Variants in DYM observed in about 807,000 individuals in gnomAD.
The protein encoded by DYM is dyggve-Melchior-Clausen syndrome protein.
DYM carries 78 observed loss-of-function variants against 93.1 expected under a neutral mutation model. That is an observed-to-expected ratio of 0.84 (90% CI 0.70 to 1.01). The LOEUF is 1.01. DYM is among the 50% of genes least tolerant of loss of function. The pLI is 0.00. For missense variants in DYM, 789 were observed against 845.0 expected (o/e 0.93, Z 0.82); for synonymous variants, 321 against 319.7 (o/e 1.00, Z -0.04).
intron 16 of DYM, among the ~76,000 whole-genome samples, chr18:49,106,122 T>G (rs373333548): frequency 6.6e-6 from 1 of 152,248 alleles, no homozygotes; most frequent in African/African-American, 2.4e-5. Flanking sequence ...TTTAGGATAG[T>G]TAGCTCTTCT....
intron 8 of DYM, among the ~76,000 whole-genome samples, chr18:49,328,008 TA>T (rs1348578576): frequency 6.6e-6 from 1 of 152,168 alleles, no homozygotes; most frequent in Non-Finnish European, 1.5e-5. Context: ...GAACTGAGCT[TA>T]AATTAACGAG....
intron 15 of DYM, among the ~76,000 whole-genome samples, chr18:49,158,847 C>A (rs749294994): frequency 3.3e-5 from 5 of 152,042 alleles, no homozygotes; most frequent in Non-Finnish European, 5.9e-5. Context: ...AATAGCACAA[C>A]AGGGTGATTA....
intron 17 of DYM, among the ~76,000 whole-genome samples, chr18:49,072,765 C>T (rs577057502): frequency 6.6e-6 from 1 of 152,318 alleles, no homozygotes; most frequent in African/African-American, 2.4e-5. Context: ...AGACAGACAG[C>T]GCCGTGCAAA....
chr18:49,399,322 G>A (rs1215253683), intron 2 of DYM, among the ~76,000 whole-genome samples: 1 of 152,196 alleles, frequency 6.6e-6, no homozygotes, highest in Non-Finnish European at 1.5e-5. Flanking sequence ...AATAGTGCAT[G>A]CAGAGGCATC....
At chr18:49,390,565 T>A (rs562745057) in intron 3 of DYM, among the ~76,000 whole-genome samples, 1 of 152,200 alleles carries the variant, frequency 6.6e-6, no homozygotes, top group African/African-American at 2.4e-5. Context: ...TGGAGTGCAG[T>A]GGCGCGATCT....
chr18:49,236,813 G>A (rs1053772469), intron 13 of DYM, among the ~76,000 whole-genome samples: 6 of 152,290 alleles, frequency 3.9e-5, no homozygotes, highest in East Asian at 3.9e-4. Context: ...ACATGCACGC[G>A]AGAGTCAGAT....
chr18:49,384,008 C>T (rs2068312058), intron 3 of DYM, among the ~76,000 whole-genome samples: 1 of 151,976 alleles, frequency 6.6e-6, no homozygotes, highest in Non-Finnish European at 1.5e-5. Flanking sequence ...GAACAGAAAT[C>T]CACTGGGGGA....
intron 13 of DYM, among the ~76,000 whole-genome samples, chr18:49,212,504 A>C (rs2092827604): frequency 6.6e-6 from 1 of 151,896 alleles, no homozygotes; most frequent in Non-Finnish European, 1.5e-5. Context: ...TGGTAAAACT[A>C]ATTTTTTTTT....
chr18:49,249,159 C>A (rs2094232850), intron 13 of DYM, among the ~76,000 whole-genome samples: 1 of 152,160 alleles, frequency 6.6e-6, no homozygotes, highest in Admixed American at 6.5e-5. Context: ...TTGATCTGGA[C>A]AAACCTGGGA....
chr18:49,146,842 C>G (rs2085205035), intron 15 of DYM, among the ~76,000 whole-genome samples: 1 of 152,176 alleles, frequency 6.6e-6, no homozygotes, highest in African/African-American at 2.4e-5. Flanking sequence ...TTGGAAAAAA[C>G]TACTTTAAAG....
intron 15 of DYM, among the ~76,000 whole-genome samples, chr18:49,131,139 A>T (rs74507239): frequency 0.025 from 3,812 of 152,304 alleles, 59 homozygotes; most frequent in South Asian, 0.065. Flanking sequence ...CAAAATGCTA[A>T]CCCGAAACAA....
chr18:49,259,837 C>T (rs2094462278), intron 11 of DYM, among the ~76,000 whole-genome samples: 1 of 152,118 alleles, frequency 6.6e-6, no homozygotes, highest in African/African-American at 2.4e-5. Context: ...CATGAAGATC[C>T]ATGCTACTAT....
intron 8 of DYM, among the ~76,000 whole-genome samples, chr18:49,312,503 C>G (rs981378025): frequency 6.6e-6 from 1 of 152,180 alleles, no homozygotes; most frequent in Admixed American, 6.5e-5. Flanking sequence ...ATAAGAGACC[C>G]TGGACCCAGC....
At chr18:49,382,423 A>T (rs567327145) in intron 3 of DYM, among the ~76,000 whole-genome samples, 23 of 152,348 alleles carry the variant, frequency 1.5e-4, no homozygotes, top group Admixed American at 1.5e-3. Flanking sequence ...AATACACTCA[A>T]TGATTTTAAA....
At chr18:49,101,855 T>G (rs936702004) in intron 16 of DYM, among the ~76,000 whole-genome samples, 3 of 152,100 alleles carry the variant, frequency 2.0e-5, no homozygotes, top group Admixed American at 2.0e-4. Context: ...ACAGTGTAAT[T>G]TGTGAGATAA....
chr18:49,286,875 A>G (rs1321615230), intron 8 of DYM, among the ~76,000 whole-genome samples: 1 of 152,186 alleles, frequency 6.6e-6, no homozygotes, highest in African/African-American at 2.4e-5. Flanking sequence ...AGTGAATGAA[A>G]TTTAGTAGAA....
At chr18:49,423,922 A>G (rs1043468453) in intron 2 of DYM, among the ~76,000 whole-genome samples, 1 of 152,220 alleles carries the variant, frequency 6.6e-6, no homozygotes, top group Non-Finnish European at 1.5e-5. Flanking sequence ...ATAAACCAAA[A>G]AAAGTCCAGG....
chr18:49,387,130 G>T (rs2068707498), intron 3 of DYM, among the ~76,000 whole-genome samples: 1 of 151,690 alleles, frequency 6.6e-6, no homozygotes, highest in Non-Finnish European at 1.5e-5. Context: ...TAGAGACAGG[G>T]TCTTGCTATG....
intron 14 of DYM, among the ~76,000 whole-genome samples, chr18:49,185,970 T>C (rs1011821512): frequency 1.3e-5 from 2 of 152,194 alleles, no homozygotes; most frequent in Non-Finnish European, 2.9e-5. Context: ...TTTAAAGGAT[T>C]ATTACGATGT....
Sources: allele counts gnomAD v4.1 joint callset (sites outside exome capture counted in the v4.1 genomes callset), GRCh38; gene constraint gnomAD v4.1.1; transcripts MANE v1.5; gene names NCBI Gene and HGNC (gene_info 2026-07-23, HGNC 2026-07-21).